KLHL32: variants seen among roughly 807,000 people sequenced by gnomAD.
The protein encoded by KLHL32 is kelch like family member 32.
KLHL32 carries 35 observed loss-of-function variants against 64.8 expected under a neutral mutation model. That is an observed-to-expected ratio of 0.54 (90% CI 0.41 to 0.72). The LOEUF is 0.72. KLHL32 is among the 30% of genes least tolerant of loss of function. The probability of loss-of-function intolerance (pLI) is 0.00; values close to 1 mark genes in which losing one functional copy is unlikely to be tolerated. For missense variants in KLHL32, 589 were observed against 768.5 expected (o/e 0.77, Z 2.76); for synonymous variants, 259 against 281.0 (o/e 0.92, Z 0.78).
chr6:97,112,032 G>T (rs1052304375), intron 6 of KLHL32, among the ~76,000 whole-genome samples: 6 of 151,146 alleles, frequency 4.0e-5, no homozygotes, highest in East Asian at 1.9e-4. Flanking sequence ...GGTACAGGAT[G>T]GGGGGGTGGG....
chr6:97,069,957 T>C (rs1410755651), intron 5 of KLHL32, among the ~76,000 whole-genome samples: 2 of 151,976 alleles, frequency 1.3e-5, no homozygotes, highest in Non-Finnish European at 1.5e-5. Context: ...TTTTAATTAT[T>C]AAATTAAGAG....
intron 3 of KLHL32, among the ~76,000 whole-genome samples, chr6:96,993,022 C>T (rs79163645): frequency 0.032 from 4,827 of 152,128 alleles, 233 homozygotes; most frequent in African/African-American, 0.11. Context: ...TGGAGAAAGC[C>T]GAATAAAGTT....
rs182616715 is a variant in KLHL32, at chr6:96,975,186, T to C, written c.24-811T>C. ...TTTTGAAAGGACATAAGGATAAATGTTTTAGGTTGGGGTAGAGAGTGAAGG... is the reference window on the plus strand; with the variant it reads ...TTTTGAAAGGACATAAGGATAAATGCTTTAGGTTGGGGTAGAGAGTGAAGG... On this transcript the variant is annotated intron_variant, in intron 2 of 10. Transcript: ENST00000369261. Among the ~76,000 whole-genome samples, 835 of 152,272 alleles carry C rather than the reference T, an allele frequency of 5.5e-3. 4 individuals are homozygous for C. Among genetic ancestry groups the C allele is most frequent in the Middle Eastern group, 0.031 (9 of 292 alleles).
chr6:97,031,148 G>A (rs552021257), intron 3 of KLHL32, among the ~76,000 whole-genome samples: 13 of 152,260 alleles, frequency 8.5e-5, no homozygotes, highest in African/African-American at 3.1e-4. Context: ...GATAGACTAG[G>A]CAACTGGTGT....
chr6:97,110,817 G>A (rs1797018800), intron 6 of KLHL32, among the ~76,000 whole-genome samples: 1 of 152,350 alleles, frequency 6.6e-6, no homozygotes, highest in Middle Eastern at 3.4e-3. Flanking sequence ...GCCGGCAGGG[G>A]CAAACTCAAA....
chr6:97,035,138 A>G (rs1484088747), intron 3 of KLHL32, among the ~76,000 whole-genome samples: 1 of 151,976 alleles, frequency 6.6e-6, no homozygotes. Context: ...TATATCTATT[A>G]TAAGTTTTTT....
chr6:96,914,070 C>T, the KLHL32 span, among the ~76,000 whole-genome samples: 1 of 152,074 alleles, frequency 6.6e-6, no homozygotes, highest in African/African-American at 2.4e-5. Context: ...AAGGATTTAG[C>T]CTAATGATCC....
At chr6:96,961,516 C>T (rs955700063) in intron 1 of KLHL32, among the ~76,000 whole-genome samples, 1 of 152,166 alleles carries the variant, frequency 6.6e-6, no homozygotes, top group African/African-American at 2.4e-5. Context: ...CTCGTTCTGC[C>T]TGTATGCAGC....
chr6:97,083,285 G>A (rs756432831), intron 5 of KLHL32, among the ~76,000 whole-genome samples: 1 of 152,148 alleles, frequency 6.6e-6, no homozygotes, highest in Non-Finnish European at 1.5e-5. Context: ...AGCTGCTCGG[G>A]AGGCTGAGGC....
chr6:96,956,555 G>T (rs1278390789), intron 1 of KLHL32, among the ~76,000 whole-genome samples: 3 of 152,090 alleles, frequency 2.0e-5, no homozygotes, highest in African/African-American at 7.2e-5. Flanking sequence ...CCATCCTTTA[G>T]TGCTCCCCTA....
intron 3 of KLHL32, among the ~76,000 whole-genome samples, chr6:96,985,267 G>T (rs1221937896): frequency 6.6e-6 from 1 of 152,166 alleles, no homozygotes; most frequent in Non-Finnish European, 1.5e-5. Context: ...GCTTCCCTTT[G>T]TGGGTAACCT....
chr6:96,929,926 T>G, intron 1 of KLHL32, among the ~76,000 whole-genome samples: 1 of 152,242 alleles, frequency 6.6e-6, no homozygotes, highest in Non-Finnish European at 1.5e-5. Context: ...GATAAGATAA[T>G]TTTTAAATGA....
chr6:97,000,894 C>G (rs1326888531), intron 3 of KLHL32, among the ~76,000 whole-genome samples: 2 of 152,104 alleles, frequency 1.3e-5, no homozygotes, highest in Non-Finnish European at 2.9e-5. Context: ...ATGGGTGAAA[C>G]TTGAATTTAT....
chr6:97,096,725 A>C (rs1252042041), intron 6 of KLHL32, among the ~76,000 whole-genome samples: 1 of 152,244 alleles, frequency 6.6e-6, no homozygotes, highest in Non-Finnish European at 1.5e-5. Flanking sequence ...CTCCTGTTTG[A>C]GGCATGCCCT....
At chr6:97,132,774 T>G (rs1467449861) in intron 10 of KLHL32, 27 bp downstream of exon 10, 5 of 1,501,804 alleles carry the variant, frequency 3.3e-6, no homozygotes, top group Non-Finnish European at 4.6e-6. Context: ...CCTTTTGAAG[T>G]TTGTTCAAGT....
Position 97,119,483 on chromosome 6 carries a change from C to CA in KLHL32, c.1354+4978dup, listed in dbSNP as rs577896104. On this transcript the variant is annotated intron_variant, in intron 7 of 10. Coordinates refer to ENST00000369261, the MANE Select transcript of KLHL32 (RefSeq NM_052904.4). ...GAAACACTACAGGGATATCAAGGTC[C>CA]AAAATATTTCCACTGCATTTTTTAA... 3.9e-3 allele frequency among the ~76,000 whole-genome samples: 591 copies of CA among 152,138 alleles called. 2 individuals carry two copies. The highest frequency in any genetic ancestry group is 0.013 in the African/African-American group (560 of 41,500).
upstream of KLHL32, among the ~76,000 whole-genome samples, chr6:96,923,001 G>A (rs999983453): frequency 4.6e-5 from 7 of 152,270 alleles, no homozygotes; most frequent in African/African-American, 1.4e-4. Context: ...TTAGTGAGCC[G>A]ATACTATGTG....
At chr6:96,913,621 T>G in the KLHL32 span, among the ~76,000 whole-genome samples, 1 of 152,220 alleles carries the variant, frequency 6.6e-6, no homozygotes, top group African/African-American at 2.4e-5. Context: ...GTAGGGAGAC[T>G]AGGTGAGCTT....
At chr6:97,095,333 T>C (rs1794832202) in intron 6 of KLHL32, among the ~76,000 whole-genome samples, 1 of 152,178 alleles carries the variant, frequency 6.6e-6, no homozygotes, top group South Asian at 2.1e-4. Flanking sequence ...GTGTAAATAA[T>C]GAAGTAAACA....
Sources: gnomAD v4.1 joint callset for allele counts (sites outside exome capture counted in the v4.1 genomes callset) on GRCh38, gnomAD v4.1.1 for gene constraint, MANE v1.5 for transcripts, NCBI Gene and HGNC (gene_info 2026-07-23, HGNC 2026-07-21) for gene names.